The following CEP162 variants were observed in gnomAD, a reference collection of about 807,000 sequenced individuals.
CEP162 encodes the protein centrosomal protein of 162 kDa.
A neutral mutation model predicts 169.2 loss-of-function variants in CEP162; 141 were observed. The ratio of observed to expected loss-of-function variants is 0.83; its 90% CI spans 0.73 to 0.96. The LOEUF (loss-of-function observed/expected upper bound fraction) is 0.96. Among genes scored for constraint, CEP162 ranks in the 40% least tolerant of loss-of-function variants. The pLI, the probability that CEP162 is intolerant of heterozygous loss-of-function variation, is 0.00. For missense variants in CEP162, 1,600 were observed against 1,587.2 expected, an observed-to-expected ratio of 1.01 and a Z score of -0.14; for synonymous variants, 540 against 526.4, an observed-to-expected ratio of 1.03 and a Z score of -0.35.
chr6:84,189,755 GCA>G (rs2099538962), intron 11 of CEP162, among the ~76,000 whole-genome samples: 1 of 152,242 alleles, frequency 6.6e-6, no homozygotes, highest in Non-Finnish European at 1.5e-5. Context: ...AGGAATGCGA[GCA>G]CACGGCGCAG....
intron 3 of CEP162, among the ~76,000 whole-genome samples, chr6:84,218,366 G>A (rs1211725777): frequency 6.6e-6 from 1 of 152,178 alleles, no homozygotes; most frequent in African/African-American, 2.4e-5. Context: ...TGGTTGGACC[G>A]TGCTCGTCCT....
intron 25 of CEP162, among the ~76,000 whole-genome samples, chr6:84,127,377 G>T (rs1469592053): frequency 6.6e-6 from 1 of 152,010 alleles, no homozygotes; most frequent in East Asian, 1.9e-4. Context: ...AACATGCAAA[G>T]ATACAAGCAA....
intron 22 of CEP162, among the ~76,000 whole-genome samples, chr6:84,154,755 A>AT (rs923945566): frequency 1.3e-5 from 2 of 152,110 alleles, no homozygotes; most frequent in African/African-American, 2.4e-5. Flanking sequence ...TGTCTACAAA[A>AT]TTTTTTTTAA....
chr6:84,166,074 A>G (rs1203112631), intron 18 of CEP162, among the ~76,000 whole-genome samples: 2 of 152,234 alleles, frequency 1.3e-5, no homozygotes, highest in Admixed American at 1.3e-4. Context: ...CCATCAATCA[A>G]TGGAAGGCTT....
intron 22 of CEP162, among the ~76,000 whole-genome samples, chr6:84,154,722 A>G (rs1210162612): frequency 1.3e-5 from 2 of 152,294 alleles, no homozygotes; most frequent in East Asian, 1.9e-4. Context: ...ACAAATTTTT[A>G]AAAATAATCT....
chr6:84,131,175 T>A (rs1235689364), intron 25 of CEP162, among the ~76,000 whole-genome samples: 1 of 152,216 alleles, frequency 6.6e-6, no homozygotes, highest in East Asian at 1.9e-4. Context: ...TTGAGTGAGT[T>A]TTTTAATCCT....
intron 9 of CEP162, among the ~76,000 whole-genome samples, chr6:84,196,070 C>G (rs935434574): frequency 1.3e-5 from 2 of 152,160 alleles, no homozygotes; most frequent in East Asian, 3.8e-4. Flanking sequence ...ACTCTTCCTT[C>G]CCTATTAGCC....
intron 12 of CEP162, 50 bp from the exon 13 acceptor site, chr6:84,185,498 T>C (rs978069066): frequency 4.8e-6 from 7 of 1,468,594 alleles, no homozygotes; most frequent in African/African-American, 2.8e-5. Flanking sequence ...ACTTTAACTA[T>C]TGTTGTAAAT....
chr6:84,161,923 T>A lies in CEP162; in HGVS notation c.2513-14A>T. 2 of 1,430,458 alleles carry A rather than the reference T, an allele frequency of 1.4e-6. No homozygotes were observed. Among genetic ancestry groups the A allele is most frequent in the Non-Finnish European group, 1.9e-6 (2 of 1,043,310 alleles). 88.6% of individuals were successfully genotyped at this position (1,430,458 alleles called of 1,614,324 possible). On this transcript the variant is annotated splice_polypyrimidine_tract_variant and intron_variant, in intron 19 of 26. Transcript: ENST00000403245. Reference sequence around the variant, plus strand: ...ATAATTTCTCACCTATAAGATACAGTAACTCAATAACCTGCTTGTTGTTCT... The same window carrying A: ...ATAATTTCTCACCTATAAGATACAGAAACTCAATAACCTGCTTGTTGTTCT...
At chr6:84,160,652 G>GTATATA (rs1358252073) in intron 21 of CEP162, among the ~76,000 whole-genome samples, 160 bp downstream of exon 21, 1 of 152,144 alleles carries the variant, frequency 6.6e-6, no homozygotes, top group African/African-American at 2.4e-5. Flanking sequence ...TTATAAAGCT[G>GTATATA]TAGGTATATA....
chr6:84,186,464 C>T lies in CEP162; in HGVS notation c.1269G>A (p.Met423Ile). Residue 423 changes from methionine to isoleucine, a missense_variant, in exon 12 of 27, where the codon ATG becomes ATA. Coordinates refer to ENST00000403245, the MANE Select transcript of CEP162 (RefSeq NM_014895.4). The stretch of plus-strand genomic sequence containing the variant: ...CAGTTACTTGTGGACAGCTGTTTTC[C>T]ATACTCTCATTTGTGGTCTTTTGTA... ...VILQKTTNES[M>I]ENSCPQVTEV... 1.9e-6 allele frequency: 3 copies of T among 1,613,172 alleles called. No individual in the cohort carries two copies. Among genetic ancestry groups the T allele is most frequent in the Non-Finnish European group, 2.5e-6 (3 of 1,179,400 alleles).
At chr6:84,173,158 T>C (rs2099530886) in intron 16 of CEP162, among the ~76,000 whole-genome samples, 1 of 152,190 alleles carries the variant, frequency 6.6e-6, no homozygotes, top group East Asian at 1.9e-4. Flanking sequence ...TAGGACAGTT[T>C]TTAAGAAACT....
At chr6:84,152,478 A>G (rs2099521491) in intron 23 of CEP162, 67 bp downstream of exon 23, 1 of 835,254 alleles carries the variant, frequency 1.2e-6, no homozygotes, top group South Asian at 2.9e-5. Context: ...GAGGAAATAT[A>G]TCGTATAATT....
At chr6:84,135,224 A>G (rs1325357685) in intron 25 of CEP162, among the ~76,000 whole-genome samples, 1 of 152,216 alleles carries the variant, frequency 6.6e-6, no homozygotes. Flanking sequence ...ATGCTCAACT[A>G]AGGACAGAAA....
chr6:84,160,673 A>G (rs2099525388), intron 21 of CEP162, 139 bp downstream of exon 21: 3 of 597,650 alleles, frequency 5.0e-6, no homozygotes, highest in Non-Finnish European at 8.9e-6. Context: ...AAATGATGTT[A>G]TTACTTTTAC....
intron 24 of CEP162, among the ~76,000 whole-genome samples, chr6:84,147,809 T>G (rs1340835002): frequency 1.3e-5 from 2 of 152,140 alleles, no homozygotes; most frequent in Admixed American, 6.6e-5. Context: ...CCTCATAATA[T>G]CTGTGAAATA....
rs35312098 is a variant in CEP162 at position 84,134,919 on chromosome 6, T to TACAC, written c.3871-8411_3871-8408dup. Among the ~76,000 whole-genome samples the TACAC allele has an allele frequency of 4.9e-3, 723 of 148,352 alleles. 9 individuals are homozygous for TACAC. The highest frequency in any genetic ancestry group is 0.012 in the African/African-American group (480 of 40,360). ...TATACTGTCATGAAAAGATCATATA[T>TACAC]ACACACACACACACACACACACACA... On this transcript the variant is annotated intron_variant, in intron 25 of 26. Coordinates refer to ENST00000403245, the MANE Select transcript of CEP162 (RefSeq NM_014895.4).
At chr6:84,224,390 G>A (rs1324542885) in intron 2 of CEP162, among the ~76,000 whole-genome samples, 1 of 152,096 alleles carries the variant, frequency 6.6e-6, no homozygotes, top group Non-Finnish European at 1.5e-5. Flanking sequence ...AGGGAAGGGG[G>A]AACAAGGAGA....
At chr6:84,176,165 A>T (rs1239285538) in intron 13 of CEP162, among the ~76,000 whole-genome samples, 1 of 149,722 alleles carries the variant, frequency 6.7e-6, no homozygotes, top group African/African-American at 2.6e-5. Context: ...TTAATTTTTA[A>T]AAATTTATTC....
Sources: allele counts gnomAD v4.1 joint callset (sites outside exome capture counted in the v4.1 genomes callset), GRCh38; gene constraint gnomAD v4.1.1; transcripts MANE v1.5; gene names NCBI Gene and HGNC (gene_info 2026-07-23, HGNC 2026-07-21).